ART4: variants seen among roughly 807,000 people sequenced by gnomAD.
The protein encoded by ART4 is ecto-ADP-ribosyltransferase 4.
Under a neutral mutation model 24.2 loss-of-function variants are expected in ART4, and 14 were observed. The ratio of observed to expected loss-of-function variants is 0.58; its 90% CI spans 0.38 to 0.90. The LOEUF (loss-of-function observed/expected upper bound fraction) is 0.90. ART4 is among the 40% of genes least tolerant of loss of function. ART4 has a pLI of 0.00. For synonymous variants in ART4, 145 were observed against 139.9 expected, an observed-to-expected ratio of 1.04 and a Z score of -0.26; for missense variants, 356 against 366.6, an observed-to-expected ratio of 0.97 and a Z score of 0.24.
At chr12:14,831,173 A>G (rs915000391) in intron 2 of ART4, among the ~76,000 whole-genome samples, 1 of 152,032 alleles carries the variant, frequency 6.6e-6, no homozygotes, top group African/African-American at 2.4e-5. Context: ...TATTTATGGT[A>G]GTGAATCACT....
intron 1 of ART4, among the ~76,000 whole-genome samples, chr12:14,842,033 C>T (rs1000335056): frequency 6.6e-6 from 1 of 152,204 alleles, no homozygotes; most frequent in Admixed American, 6.5e-5. Context: ...AGGAAAGTCC[C>T]TCCCCTCCTG....
chr12:14,827,737 C>CA lies in ART4; in HGVS notation c.*1633dup, dbSNP rs1325963962. 2 of 152,178 alleles carry CA rather than the reference C, an allele frequency of 1.3e-5. No homozygotes were observed. The highest frequency in any genetic ancestry group is 2.9e-5 in the Non-Finnish European group (2 of 68,042). The allele number at this position is 152,178 out of a possible 1,614,324, so 9.4% of individuals were successfully genotyped here. ...CCTTTATTGACTGTAGAGGCTACTG[C>CA]AACTAGGTGACAGAGGTGATTTGGC... is the stretch of plus-strand genomic sequence containing the variant. On this transcript the variant is annotated 3_prime_UTR_variant, in exon 3 of 3. Transcript: ENST00000228936.
chr12:14,843,194 T>C lies in ART4; in HGVS notation c.-81A>G. 3 of 1,562,972 alleles carry C rather than the reference T, an allele frequency of 1.9e-6. No homozygotes were observed. The highest frequency in any genetic ancestry group is 2.6e-6 in the Non-Finnish European group (3 of 1,147,924). The stretch of plus-strand genomic sequence containing the variant: ...TTCTCAGAGTTCTCCTTTGAGGTTT[T>C]CTTTCAGTCTCATCCGTAACCGTTT... On this transcript the variant is annotated 5_prime_UTR_variant, in exon 1 of 3. Coordinates refer to ENST00000228936, the MANE Select transcript of ART4 (RefSeq NM_021071.4).
chr12:14,842,454 G>T (rs552461841), intron 1 of ART4, among the ~76,000 whole-genome samples: 1 of 152,210 alleles, frequency 6.6e-6, no homozygotes, highest in African/African-American at 2.4e-5. Flanking sequence ...TAGGTCTACG[G>T]TATCTATTTA....
At position 14,840,971 on chromosome 12, in the gene ART4, T is replaced by A; in HGVS notation, c.327A>T (p.Lys109Asn). The change falls in exon 2 of 3, where the codon AAA (lysine) becomes AAT (asparagine). Residue 109 changes from lysine (K) to asparagine (N), a missense_variant. Lys to Asn is a moderately conservative substitution (Grantham distance 94, BLOSUM62 0). Coordinates refer to ENST00000228936, the MANE Select transcript of ART4 (RefSeq NM_021071.4). ...KAHLAWLNQGKVLPQNMTTTH... is the reference protein window; with the variant it reads ...KAHLAWLNQGNVLPQNMTTTH... ...TGGTAGTCATGTTCTGGGGTAGAAC[T>A]TTTCCTTGGTTAAGCCAGGCTAAGT... is the stretch of plus-strand genomic sequence containing the variant. The A allele has an allele frequency of 6.2e-7, 1 of 1,614,178 alleles. No homozygotes were observed.
rs755768494 is a variant in ART4 at position 14,840,563 on chromosome 12, G to T, written c.735C>A (p.Val245=). Residue 245 remains valine (V), a synonymous_variant, in exon 2 of 3, where the codon GTC becomes GTA. Transcript: ENST00000228936. ...TAAACAGCTCATAGGGAGGGATCAAGACTTCCTTCTTGAGGGAGAAGTACT... is the reference window on the plus strand; with the variant it reads ...TAAACAGCTCATAGGGAGGGATCAATACTTCCTTCTTGAGGGAGAAGTACT... The part of the protein sequence containing the change: ...PVQYFSLKKE[V]LIPPYELFKV... The T allele has an allele frequency of 1.2e-6, 2 of 1,614,044 alleles. No homozygotes were observed. The highest frequency in any genetic ancestry group is 2.7e-5 in the African/African-American group (2 of 74,930).
rs953724657 is a variant in ART4 at position 14,828,681 on chromosome 12, A to G, written c.*690T>C. On this transcript the variant is annotated 3_prime_UTR_variant, in exon 3 of 3. Transcript: ENST00000228936. ...GAACTTCAACTGCTTGATGCTTGAC[A>G]TAGAAAATCTAATTCAAATTATGCA... 3.3e-5 allele frequency: 5 copies of G among 152,234 alleles called. No individual in the cohort carries two copies. The highest frequency in any genetic ancestry group is 9.6e-5 in the African/African-American group (4 of 41,462). 9.4% of individuals were successfully genotyped at this position (152,234 alleles called of 1,614,324 possible). A position where few individuals can be genotyped will look rare whatever the true frequency, so the allele number is the denominator to read the frequency against.
chr12:14,828,311 A>G lies in ART4; in HGVS notation c.*1060T>C, dbSNP rs984965126. Reference sequence around the variant, plus strand: ...ACTTAAATTTGCCATCAAGTTCTCTATGAATTAACATATGAGTTTAAATTT... The same window carrying G: ...ACTTAAATTTGCCATCAAGTTCTCTGTGAATTAACATATGAGTTTAAATTT... On this transcript the variant is annotated 3_prime_UTR_variant, in exon 3 of 3. Transcript: ENST00000228936. The G allele has an allele frequency of 1.2e-4, 18 of 152,234 alleles. No individual in the cohort carries two copies. The highest frequency in any genetic ancestry group is 1.5e-5 in the Non-Finnish European group (1 of 68,044). The allele number at this position is 152,234 out of a possible 1,614,324, so 9.4% of individuals were successfully genotyped here. A position where few individuals can be genotyped will look rare whatever the true frequency, so the allele number is the denominator to read the frequency against.
chr12:14,829,360 A>G lies in ART4; in HGVS notation c.*11T>C. ...ATATTTTTTTTAAATAAAAGGAGCC[A>G]CAAGATTTCTTTATACTCTGCTTTT... On this transcript the variant is annotated 3_prime_UTR_variant, in exon 3 of 3. Coordinates refer to ENST00000228936, the MANE Select transcript of ART4 (RefSeq NM_021071.4). The G allele has an allele frequency of 1.3e-6, 2 of 1,515,404 alleles. No homozygotes were observed. Among genetic ancestry groups the G allele is most frequent in the Non-Finnish European group, 1.8e-6 (2 of 1,131,184 alleles). The allele number at this position is 1,515,404 out of a possible 1,614,324, so 93.9% of individuals were successfully genotyped here.
In ART4 at chr12:14,828,703, T is replaced by G. The variant is rs1950374419; in HGVS notation, c.*668A>C. Reference sequence around the variant, plus strand: ...GACATAGAAAATCTAATTCAAATTATGCAAGCAAAAACATAAATTATTGAT... The same window carrying G: ...GACATAGAAAATCTAATTCAAATTAGGCAAGCAAAAACATAAATTATTGAT... On this transcript the variant is annotated 3_prime_UTR_variant, in exon 3 of 3. Transcript: ENST00000228936. 2 of 152,232 alleles carry G rather than the reference T, an allele frequency of 1.3e-5. No individual in the cohort carries two copies. Among genetic ancestry groups the G allele is most frequent in the African/African-American group, 4.8e-5 (2 of 41,468 alleles). The allele number at this position is 152,232 out of a possible 1,614,324, so 9.4% of individuals were successfully genotyped here. A position where few individuals can be genotyped will look rare whatever the true frequency, so the allele number is the denominator to read the frequency against.
Position 14,829,432 on chromosome 12 carries a change from A to G in ART4, c.884T>C (p.Ile295Thr), listed in dbSNP as rs763029729. 5 of 1,610,736 alleles carry G rather than the reference A, an allele frequency of 3.1e-6. No individual in the cohort carries two copies. The highest frequency in any genetic ancestry group is 4.5e-5 in the East Asian group (2 of 44,630). The change falls in exon 3 of 3, where the codon ATA (isoleucine) becomes ACA (threonine). Residue 295 changes from isoleucine (I) to threonine (T), a missense_variant. Transcript: ENST00000228936. ...CAAAAAGGAGAGAGATGCAATAGCT[A>G]TAGGATCAGGGATGCATTTCTTGCT... is the stretch of plus-strand genomic sequence containing the variant. ...ASSKKCIPDP[I>T]AIASLSFLTS... is the part of the protein sequence containing the mutation.
chr12:14,831,379 G>A (rs939490975), intron 2 of ART4, among the ~76,000 whole-genome samples: 2 of 150,008 alleles, frequency 1.3e-5, no homozygotes, highest in Non-Finnish European at 2.9e-5. Context: ...TTCCACCTCA[G>A]CCTCCCAAGT....
intron 2 of ART4, among the ~76,000 whole-genome samples, chr12:14,834,442 A>G (rs1950416014): frequency 6.6e-6 from 1 of 152,206 alleles, no homozygotes; most frequent in Non-Finnish European, 1.5e-5. Context: ...ATTCTAAGAG[A>G]TTTTACATGC....
intron 2 of ART4, among the ~76,000 whole-genome samples, chr12:14,837,740 C>T (rs961024795): frequency 6.6e-6 from 1 of 152,260 alleles, no homozygotes; most frequent in Admixed American, 6.5e-5. Flanking sequence ...GTCTCAAACT[C>T]CTGGCCTCAA....
At chr12:14,841,257 A>G (rs1592251877) in intron 1 of ART4, 104 bp from the exon 2 acceptor site, 1 of 1,002,774 alleles carries the variant, frequency 1.0e-6, no homozygotes, top group Non-Finnish European at 1.5e-6. Flanking sequence ...CTGGAAACCA[A>G]TATTTACTGA....
chr12:14,835,753 G>C (rs976480103), intron 2 of ART4, among the ~76,000 whole-genome samples: 1 of 151,720 alleles, frequency 6.6e-6, no homozygotes, highest in Non-Finnish European at 1.5e-5. Flanking sequence ...TTACAGGCTC[G>C]TGCCACCACT....
intron 1 of ART4, among the ~76,000 whole-genome samples, chr12:14,842,268 A>C (rs1205569314): frequency 1.3e-5 from 2 of 152,240 alleles, no homozygotes; most frequent in African/African-American, 4.8e-5. Flanking sequence ...TTAAAGGATC[A>C]CATTCCATCC....
chr12:14,834,558 A>G (rs558967347), intron 2 of ART4, among the ~76,000 whole-genome samples: 178 of 152,342 alleles, frequency 1.2e-3, no homozygotes, highest in African/African-American at 4.1e-3. Context: ...CTCTAGAAAC[A>G]TGTTAAGAAT....
chr12:14,839,190 C>G (rs1219296986), intron 2 of ART4, among the ~76,000 whole-genome samples: 1 of 152,084 alleles, frequency 6.6e-6, no homozygotes, highest in East Asian at 1.9e-4. Flanking sequence ...GCATGAAATA[C>G]AAGACCTTTT....
Sources: allele counts gnomAD v4.1 joint callset (sites outside exome capture counted in the v4.1 genomes callset), GRCh38; gene constraint gnomAD v4.1.1; transcripts MANE v1.5; gene names NCBI Gene and HGNC (gene_info 2026-07-23, HGNC 2026-07-21).